Variants in LRRC53 observed in about 807,000 individuals in gnomAD.
The protein encoded by LRRC53 is leucine-rich repeat-containing protein 53.
In LRRC53, 25 loss-of-function variants were observed where a neutral mutation model predicts 13.6. That is an observed-to-expected ratio of 1.83 (90% CI 1.34 to 2.56). The LOEUF (loss-of-function observed/expected upper bound fraction) is 2.56. Among genes scored for constraint, LRRC53 ranks in the 30% most tolerant of loss-of-function variants. The probability of loss-of-function intolerance (pLI) is 0.00; values close to 1 mark genes in which losing one functional copy is unlikely to be tolerated. For missense variants in LRRC53, 527 were observed against 275.8 expected, an observed-to-expected ratio of 1.91 and a Z score of -6.45; for synonymous variants, 204 against 109.8, an observed-to-expected ratio of 1.86 and a Z score of -5.37.
At chr1:74,490,613 T>A (rs1269954772) in intron 1 of LRRC53, among the ~76,000 whole-genome samples, 1 of 152,196 alleles carries the variant, frequency 6.6e-6, no homozygotes, top group Admixed American at 6.5e-5. Context: ...TGGACTGAGT[T>A]GCACTAATTA....
chr1:74,513,938 A>G (rs1178348960), upstream of LRRC53, among the ~76,000 whole-genome samples: 1 of 152,176 alleles, frequency 6.6e-6, no homozygotes, highest in Non-Finnish European at 1.5e-5. Context: ...TTTTCTATAG[A>G]CTAAGGGGAG....
chr1:74,512,867 T>G (rs2100386841), upstream of LRRC53, among the ~76,000 whole-genome samples: 1 of 152,296 alleles, frequency 6.6e-6, no homozygotes. Context: ...CAAGGAAAAC[T>G]TCTCTGTTAA....
chr1:74,489,289 C>T (rs1303740143), intron 1 of LRRC53: 4 of 1,587,616 alleles, frequency 2.5e-6, no homozygotes, highest in South Asian at 1.2e-5. Flanking sequence ...TAAAAAAGCC[C>T]TGCATATCCA....
intron 4 of LRRC53, 64 bp downstream of exon 4, chr1:74,475,231 G>T (rs1192292153): frequency 1.6e-6 from 1 of 612,844 alleles, no homozygotes; most frequent in African/African-American, 1.9e-5. Flanking sequence ...AATTAAAGGA[G>T]GGAGGCTCCC....
intron 1 of LRRC53, among the ~76,000 whole-genome samples, chr1:74,487,378 G>A (rs529546121): frequency 6.6e-6 from 1 of 152,244 alleles, no homozygotes; most frequent in African/African-American, 2.4e-5. Flanking sequence ...AGAGGAAAAG[G>A]TACAAAATAG....
Position 74,482,588 on chromosome 1 carries a change from C to T in LRRC53, c.88+674G>A, listed in dbSNP as rs141162824. On this transcript the variant is annotated intron_variant, in intron 2 of 4. Transcript: ENST00000294635. ...GGATATTAGAAATGGAAGAAATTAT[C>T]CTCTTCCACTCTGTCGTAACTCAAG... Among the ~76,000 whole-genome samples, 1,199 of 152,178 alleles carry T rather than the reference C, an allele frequency of 7.9e-3. 19 individuals carry two copies. The highest frequency in any genetic ancestry group is 0.026 in the African/African-American group (1,092 of 41,502).
chr1:74,489,039 A>G, intron 1 of LRRC53: 1 of 613,654 alleles, frequency 1.6e-6, no homozygotes, highest in Non-Finnish European at 2.6e-6. Context: ...TGAACATTCA[A>G]TTAACACTTC....
chr1:74,486,999 G>A (rs570533362), intron 1 of LRRC53, among the ~76,000 whole-genome samples: 21 of 152,212 alleles, frequency 1.4e-4, no homozygotes, highest in African/African-American at 5.1e-4. Flanking sequence ...AGCTTGATTA[G>A]GATGGATTGC....
the LRRC53 span, among the ~76,000 whole-genome samples, chr1:74,530,801 GT>G: frequency 6.6e-6 from 1 of 151,448 alleles, no homozygotes; most frequent in African/African-American, 2.4e-5. Context: ...ATGTTCCTCA[GT>G]TTTAGCAGTC....
chr1:74,475,119 CA>C (rs1315520294), intron 4 of LRRC53, among the ~76,000 whole-genome samples, 175 bp downstream of exon 4: 1 of 125,538 alleles, frequency 8.0e-6, no homozygotes, highest in African/African-American at 3.7e-5. Flanking sequence ...CCTCAGCCCA[CA>C]CACACACACA....
At chr1:74,528,928 A>G in the LRRC53 span, among the ~76,000 whole-genome samples, 1 of 152,344 alleles carries the variant, frequency 6.6e-6, no homozygotes, top group East Asian at 1.9e-4. Flanking sequence ...AGCCTGAAAC[A>G]TCTTGCACCA....
At chr1:74,527,783 T>C in the LRRC53 span, among the ~76,000 whole-genome samples, 2 of 152,214 alleles carry the variant, frequency 1.3e-5, no homozygotes, top group African/African-American at 4.8e-5. Flanking sequence ...TCATGAATGA[T>C]TTAGTCCAAA....
the LRRC53 span, among the ~76,000 whole-genome samples, chr1:74,523,900 T>C: frequency 2.6e-5 from 4 of 152,138 alleles, no homozygotes; most frequent in African/African-American, 7.2e-5. Flanking sequence ...CATTAAACAT[T>C]TCTCCTAATG....
the LRRC53 span, among the ~76,000 whole-genome samples, chr1:74,521,845 G>A: frequency 1.3e-5 from 2 of 152,268 alleles, no homozygotes; most frequent in South Asian, 4.1e-4. Context: ...CTGAGAATAA[G>A]TCAGAATTTC....
intron 1 of LRRC53, chr1:74,489,113 T>C: frequency 8.3e-7 from 1 of 1,210,972 alleles, no homozygotes; most frequent in Non-Finnish European, 1.2e-6. Context: ...CAAATGCTAA[T>C]ACCCAATTTT....
intron 1 of LRRC53, among the ~76,000 whole-genome samples, chr1:74,486,329 A>G (rs1203141358): frequency 6.6e-6 from 1 of 151,258 alleles, no homozygotes; most frequent in African/African-American, 2.4e-5. Flanking sequence ...GGTAGCTGTC[A>G]TTTACATTTT....
chr1:74,489,645 A>G (rs1485784103), intron 1 of LRRC53, among the ~76,000 whole-genome samples: 3 of 152,230 alleles, frequency 2.0e-5, no homozygotes, highest in Non-Finnish European at 4.4e-5. Context: ...AAAAATTATC[A>G]ATAAAATATG....
intron 3 of LRRC53, among the ~76,000 whole-genome samples, chr1:74,478,760 G>A (rs1469451585): frequency 6.6e-6 from 1 of 152,170 alleles, no homozygotes; most frequent in Non-Finnish European, 1.5e-5. Flanking sequence ...GTGCATCTGT[G>A]TGTTTTTATT....
chr1:74,501,499 T>G (rs1669628559), intron 1 of LRRC53, among the ~76,000 whole-genome samples: 1 of 146,562 alleles, frequency 6.8e-6, no homozygotes, highest in Non-Finnish European at 1.5e-5. Flanking sequence ...TTTGTTTGTT[T>G]GTTTGTTTTT....
Sources: allele counts gnomAD v4.1 joint callset (sites outside exome capture counted in the v4.1 genomes callset), GRCh38; gene constraint gnomAD v4.1.1; transcripts MANE v1.5; gene names NCBI Gene and HGNC (gene_info 2026-07-23, HGNC 2026-07-21).